Variants in CSNK1G1 observed in about 807,000 individuals in gnomAD.
CSNK1G1 encodes the protein casein kinase 1 gamma 1.
A neutral mutation model predicts 59.6 loss-of-function variants in CSNK1G1; 22 were observed. The observed-to-expected ratio is 0.37, with a 90% CI of 0.26 to 0.53. The LOEUF is 0.53. CSNK1G1 is among the 20% of genes least tolerant of loss of function. CSNK1G1 has a pLI of 0.89. For synonymous variants in CSNK1G1, 179 were observed against 177.1 expected, an observed-to-expected ratio of 1.01 and a Z score of -0.08; for missense variants, 384 against 519.5, an observed-to-expected ratio of 0.74 and a Z score of 2.54.
intron 2 of CSNK1G1, among the ~76,000 whole-genome samples, chr15:64,271,255 T>C (rs1893288536): frequency 6.6e-6 from 1 of 152,050 alleles, no homozygotes; most frequent in Admixed American, 6.6e-5. Flanking sequence ...GCCAAAGTGC[T>C]GGGATTACAG....
At chr15:64,187,659 C>T (rs1362570391) in intron 10 of CSNK1G1, among the ~76,000 whole-genome samples, 2 of 152,144 alleles carry the variant, frequency 1.3e-5, no homozygotes, top group East Asian at 3.8e-4. Flanking sequence ...AACCTGTCTG[C>T]ACCTTTATAA....
chr15:64,237,879 A>T (rs1450083969), intron 4 of CSNK1G1, among the ~76,000 whole-genome samples: 1 of 152,226 alleles, frequency 6.6e-6, no homozygotes, highest in Non-Finnish European at 1.5e-5. Context: ...GCAAAGCCTG[A>T]TAACCTCTAT....
Position 64,167,945 on chromosome 15 carries a change from CATT to C in CSNK1G1, c.*3983_*3985del, listed in dbSNP as rs2081620959. 1 of 152,228 alleles carries C rather than the reference CATT, an allele frequency of 6.6e-6. No individual in the cohort carries two copies. Among genetic ancestry groups the C allele is most frequent in the African/African-American group, 2.4e-5 (1 of 41,458 alleles). The allele number at this position is 152,228 out of a possible 1,614,324, so 9.4% of individuals were successfully genotyped here. ...AGTAACCACTTTGACGTTACATTAT[CATT>C]GTTACATATTTCTGGCATTAAAAGT... On this transcript the variant is annotated 3_prime_UTR_variant, in exon 12 of 12. Coordinates refer to ENST00000303052, the MANE Select transcript of CSNK1G1 (RefSeq NM_022048.5).
chr15:64,203,124 T>C lies in CSNK1G1; in HGVS notation c.1065A>G (p.Thr355=). Residue 355 remains threonine, a synonymous_variant, in exon 10 of 12, where the codon ACA becomes ACG. Transcript: ENST00000303052. ...GCTGTTGTGATGGCCGATCCCTATG[T>C]GTGTGGCTTTCTCGAGTTATTGCAG... ...GASAITRESH[T]HRDRPSQQQP... is the part of the protein sequence containing the mutation. 6.2e-7 allele frequency: 1 copy of C among 1,614,118 alleles called. No homozygotes were observed. Among genetic ancestry groups the C allele is most frequent in the Non-Finnish European group, 8.5e-7 (1 of 1,179,966 alleles).
chr15:64,279,878 A>T (rs1490755445), intron 2 of CSNK1G1, among the ~76,000 whole-genome samples: 1 of 151,860 alleles, frequency 6.6e-6, no homozygotes, highest in East Asian at 1.9e-4. Flanking sequence ...AGGCTGAGGC[A>T]GGAGAATCCC....
chr15:64,274,084 C>T (rs1221270029), intron 2 of CSNK1G1, among the ~76,000 whole-genome samples: 1 of 152,216 alleles, frequency 6.6e-6, no homozygotes, highest in Non-Finnish European at 1.5e-5. Flanking sequence ...TGATACATCA[C>T]AAAATGCTAG....
In CSNK1G1 at chr15:64,259,233, G is replaced by A. The variant is rs751327378; in HGVS notation, c.190C>T (p.Leu64Phe). Residue 64 changes from leucine (L) to phenylalanine (F), a missense_variant, in exon 3 of 12, where the codon CTC becomes TTC. Transcript: ENST00000303052. ...NFGELRLGKN[L>F]YTNEYVAIKL... ...ATTGCTACATATTCATTGGTGTAGA[G>A]ATTTTTACCTAAGAGGAAAGCAGAA... is the stretch of plus-strand genomic sequence containing the variant. 2.7e-5 allele frequency: 43 copies of A among 1,593,936 alleles called. No individual in the cohort carries two copies. The highest frequency in any genetic ancestry group is 3.6e-5 in the Non-Finnish European group (42 of 1,169,022).
At chr15:64,337,095 G>A (rs1214435132) in intron 1 of CSNK1G1, among the ~76,000 whole-genome samples, 1 of 152,014 alleles carries the variant, frequency 6.6e-6, no homozygotes, top group East Asian at 1.9e-4. Flanking sequence ...AGGCGCAGTG[G>A]CAGGCACCTG....
rs2081741773 is a variant in CSNK1G1, at chr15:64,176,386, C to A, written c.1214+3962G>T. 2.5e-6 allele frequency: 1 copy of A among 397,754 alleles called. No individual in the cohort carries two copies. The highest frequency in any genetic ancestry group is 2.1e-5 in the African/African-American group (1 of 48,610). 24.6% of individuals were successfully genotyped at this position (397,754 alleles called of 1,614,324 possible). ...TGGAAGCGACTCCCTGTGAGCCATG[C>A]AAACATGCAGTATGTGTCTGTGTTT... On this transcript the variant is annotated intron_variant, in intron 11 of 11. Coordinates refer to ENST00000303052, the MANE Select transcript of CSNK1G1 (RefSeq NM_022048.5). The surrounding 1 kb of genome is among the most constrained non-coding windows in gnomAD (Gnocchi z 5.2).
At chr15:64,229,910 T>A (rs796189978) in intron 4 of CSNK1G1, among the ~76,000 whole-genome samples, 15 of 63,722 alleles carry the variant, frequency 2.4e-4, no homozygotes, top group African/African-American at 7.8e-4. Context: ...AAATTTTTTT[T>A]TTTTTTTTTT....
intron 4 of CSNK1G1, among the ~76,000 whole-genome samples, chr15:64,233,264 C>T (rs2082571862): frequency 6.6e-6 from 1 of 152,132 alleles, no homozygotes; most frequent in South Asian, 2.1e-4. Flanking sequence ...TCACAACAGT[C>T]TATTTGCAAT....
intron 1 of CSNK1G1, among the ~76,000 whole-genome samples, chr15:64,321,973 C>T (rs1357550716): frequency 6.6e-6 from 1 of 152,190 alleles, no homozygotes; most frequent in Non-Finnish European, 1.5e-5. Flanking sequence ...CTAATTGGAT[C>T]TTATCTAACA....
intron 3 of CSNK1G1, among the ~76,000 whole-genome samples, chr15:64,258,186 C>T (rs1892494225): frequency 6.6e-6 from 1 of 152,040 alleles, no homozygotes; most frequent in African/African-American, 2.4e-5. Flanking sequence ...GGAGGCCGAG[C>T]TGGGCAACAT....
chr15:64,260,952 T>G (rs1892657624), intron 2 of CSNK1G1, among the ~76,000 whole-genome samples: 1 of 152,170 alleles, frequency 6.6e-6, no homozygotes, highest in Non-Finnish European at 1.5e-5. Flanking sequence ...GGTTGGTTTC[T>G]TAGGTCAAAC....
chr15:64,316,964 C>T (rs1257303228), intron 1 of CSNK1G1: 1 of 152,120 alleles, frequency 6.6e-6, no homozygotes, highest in African/African-American at 2.4e-5. Flanking sequence ...TTTTTTGAGA[C>T]CTAAGTTTGC....
At chr15:64,297,087 T>C (rs1895067619) in intron 2 of CSNK1G1, among the ~76,000 whole-genome samples, 1 of 151,616 alleles carries the variant, frequency 6.6e-6, no homozygotes, top group Non-Finnish European at 1.5e-5. Flanking sequence ...ATCTCATAAA[T>C]AACAGTAAAC....
At chr15:64,205,644 GAAGTA>G (rs2082167935) in intron 7 of CSNK1G1, among the ~76,000 whole-genome samples, 1 of 152,022 alleles carries the variant, frequency 6.6e-6, no homozygotes, top group Middle Eastern at 3.2e-3. Context: ...ATAGTGTTCT[GAAGTA>G]AATAGGAGAA....
intron 1 of CSNK1G1, among the ~76,000 whole-genome samples, chr15:64,344,081 T>C (rs1338692360): frequency 2.0e-5 from 3 of 152,136 alleles, no homozygotes; most frequent in Admixed American, 6.5e-5. Flanking sequence ...TAAAAATGCT[T>C]TAAAAAATAA....
intron 1 of CSNK1G1, among the ~76,000 whole-genome samples, chr15:64,338,506 C>G (rs1897505623): frequency 6.6e-6 from 1 of 151,708 alleles, no homozygotes; most frequent in African/African-American, 2.4e-5. Context: ...TCGAGACTAG[C>G]CTGACCAACA....
Sources: allele counts gnomAD v4.1 joint callset (sites outside exome capture counted in the v4.1 genomes callset), GRCh38; gene constraint gnomAD v4.1.1; non-coding constraint Gnocchi (gnomAD v3.1); transcripts MANE v1.5; gene names NCBI Gene and HGNC (gene_info 2026-07-23, HGNC 2026-07-21).